PKIB: variants seen among roughly 807,000 people sequenced by gnomAD.
PKIB encodes the protein cAMP-dependent protein kinase inhibitor beta, also known as PKI-beta.
PKIB carries 2 observed loss-of-function variants against 4.5 expected under a neutral mutation model. The ratio of observed to expected loss-of-function variants is 0.44; its 90% confidence interval spans 0.18 to 1.39. The LOEUF (loss-of-function observed/expected upper bound fraction) is 1.39. Ranked by LOEUF, PKIB falls within the 40% of genes most tolerant of loss-of-function variation. PKIB has a pLI of 0.27. For missense variants in PKIB, 94 were observed against 92.6 expected, an observed-to-expected ratio of 1.02 and a Z score of -0.06; for synonymous variants, 38 against 36.0, an observed-to-expected ratio of 1.06 and a Z score of -0.20.
At chr6:122,679,054 G>A (rs1777798514) in intron 3 of PKIB, among the ~76,000 whole-genome samples, 1 of 152,136 alleles carries the variant, frequency 6.6e-6, no homozygotes, top group South Asian at 2.1e-4. Flanking sequence ...GTGGCTACAG[G>A]CAATCCTACA....
intron 1 of PKIB, among the ~76,000 whole-genome samples, chr6:122,472,964 T>A (rs753048449): frequency 1.3e-5 from 2 of 151,970 alleles, no homozygotes; most frequent in South Asian, 2.1e-4. Flanking sequence ...TACAAAAAAT[T>A]AGCCGGGCAT....
chr6:122,719,815 TC>T (rs1779661495), intron 4 of PKIB, among the ~76,000 whole-genome samples: 1 of 151,602 alleles, frequency 6.6e-6, no homozygotes. Context: ...ATTTAGCCAC[TC>T]CACAATGTAT....
At chr6:122,675,673 T>G (rs1777642867) in intron 3 of PKIB, among the ~76,000 whole-genome samples, 1 of 152,194 alleles carries the variant, frequency 6.6e-6, no homozygotes, top group African/African-American at 2.4e-5. Flanking sequence ...TACCCAAAAC[T>G]GATCAACTCA....
intron 1 of PKIB, among the ~76,000 whole-genome samples, chr6:122,622,330 A>AT (rs1775272415): frequency 6.6e-6 from 1 of 151,696 alleles, no homozygotes; most frequent in Non-Finnish European, 1.5e-5. Flanking sequence ...TACTTAGACT[A>AT]TTTTTGCCAA....
At chr6:122,528,721 G>A (rs559903684) in intron 2 of PKIB, among the ~76,000 whole-genome samples, 11 of 152,082 alleles carry the variant, frequency 7.2e-5, no homozygotes, top group South Asian at 2.1e-4. Flanking sequence ...GCAAGACCTC[G>A]TCTCTACAAA....
chr6:122,556,604 C>A (rs1228073202), intron 2 of PKIB, among the ~76,000 whole-genome samples: 4 of 152,158 alleles, frequency 2.6e-5, no homozygotes. Flanking sequence ...ATGAGCAGAT[C>A]TGCGGGTGCC....
At chr6:122,510,101 T>G (rs997686720) in intron 2 of PKIB, among the ~76,000 whole-genome samples, 12 of 152,148 alleles carry the variant, frequency 7.9e-5, no homozygotes, top group African/African-American at 2.9e-4. Context: ...TTTAAAGAAT[T>G]TTTTTAAATT....
intron 3 of PKIB, chr6:122,700,939 C>A (rs1309740564): frequency 6.5e-6 from 1 of 153,690 alleles, no homozygotes; most frequent in African/African-American, 2.4e-5. Flanking sequence ...GCAAGATTGG[C>A]CATTTGGTGT....
At chr6:122,699,507 T>A (rs1163161866) in intron 3 of PKIB, among the ~76,000 whole-genome samples, 1 of 152,034 alleles carries the variant, frequency 6.6e-6, no homozygotes, top group Non-Finnish European at 1.5e-5. Flanking sequence ...TCTACTGTGC[T>A]GCACCATTTA....
At chr6:122,701,516 A>G in intron 3 of PKIB, 2 of 1,593,468 alleles carry the variant, frequency 1.3e-6, no homozygotes, top group Non-Finnish European at 1.7e-6. Flanking sequence ...GTTAACAACC[A>G]TTTTCTTCTT....
Position 122,628,042 on chromosome 6 carries a change from C to CTT in PKIB, c.-160-5228_-160-5227dup, listed in dbSNP as rs68139551. On this transcript the variant is annotated intron_variant, in intron 1 of 4. Transcript: ENST00000368452. ...TATTGTATATCGAGTGTATCCAGTT[C>CTT]TTTTTTTTTTTTTTGAGACAGAGTT... Among the ~76,000 whole-genome samples the CTT allele has an allele frequency of 5.5e-4, 78 of 142,512 alleles. 1 individual carries two copies. The highest frequency in any genetic ancestry group is 2.5e-3 in the South Asian group (11 of 4,468). The allele number at this position is 142,512 out of a possible 152,430, so 93.5% of individuals were successfully genotyped here. A position where few individuals can be genotyped will look rare whatever the true frequency, so the allele number is the denominator to read the frequency against.
At position 122,497,953 on chromosome 6, in the gene PKIB, C is replaced by A. The variant is rs556833193; in HGVS notation, c.-248+20014C>A. Among the ~76,000 whole-genome samples the A allele has an allele frequency of 1.1e-3, 175 of 152,222 alleles. 1 individual carries two copies. The highest frequency in any genetic ancestry group is 4.1e-3 in the African/African-American group (170 of 41,516). ...ACATGAAACATACTCTCAGATCGAC[C>A]CCATGCTCAGCCATAAAGCAAATAT... is the stretch of plus-strand genomic sequence containing the variant. On this transcript the variant is annotated intron_variant, in intron 2 of 6. Coordinates refer to the PKIB transcript ENST00000392491.
intron 1 of PKIB, 115 bp downstream of exon 1, chr6:122,610,650 C>A (rs1243196008): frequency 2.0e-5 from 3 of 152,300 alleles, no homozygotes; most frequent in Non-Finnish European, 4.4e-5. Context: ...GTGCAACTTT[C>A]CTATTTTCTG....
chr6:122,695,355 TC>T (rs1778530451), intron 3 of PKIB, among the ~76,000 whole-genome samples: 1 of 152,180 alleles, frequency 6.6e-6, no homozygotes, highest in Non-Finnish European at 1.5e-5. Context: ...GTGTGTGTGT[TC>T]ATGGATTACA....
At chr6:122,496,458 C>A (rs1266933445) in intron 2 of PKIB, among the ~76,000 whole-genome samples, 1 of 152,116 alleles carries the variant, frequency 6.6e-6, no homozygotes, top group African/African-American at 2.4e-5. Context: ...AAATCCAACA[C>A]AAGATTTAAA....
At chr6:122,709,693 T>G (rs1779197586) in intron 3 of PKIB, among the ~76,000 whole-genome samples, 2 of 152,132 alleles carry the variant, frequency 1.3e-5, no homozygotes, top group South Asian at 2.1e-4. Flanking sequence ...GGTGTGTTAG[T>G]AAAAATAGTT....
At chr6:122,679,303 G>A (rs1404520522) in intron 3 of PKIB, among the ~76,000 whole-genome samples, 2 of 152,220 alleles carry the variant, frequency 1.3e-5, no homozygotes, top group African/African-American at 4.8e-5. Flanking sequence ...CTGGAGGGGA[G>A]CAGAGGAGCA....
intron 2 of PKIB, among the ~76,000 whole-genome samples, chr6:122,648,361 C>G (rs1030597862): frequency 6.6e-6 from 1 of 152,190 alleles, no homozygotes; most frequent in African/African-American, 2.4e-5. Flanking sequence ...AATAGGAGAT[C>G]AAGCACCACA....
At chr6:122,620,985 C>CGTTCCCTTGAGTTTCTTGTT (rs1277325988) in intron 1 of PKIB, among the ~76,000 whole-genome samples, 189 of 152,194 alleles carry the variant, frequency 1.2e-3, no homozygotes, top group African/African-American at 4.4e-3. Flanking sequence ...CTGACCATGT[C>CGTTCCCTTGAGTTTCTTGTT]GTTCCCTTGA....
Sources: allele counts gnomAD v4.1 joint callset (sites outside exome capture counted in the v4.1 genomes callset), GRCh38; gene constraint gnomAD v4.1.1; transcripts MANE v1.5; gene names NCBI Gene and HGNC (gene_info 2026-07-23, HGNC 2026-07-21).